The following SV2C variants were observed in gnomAD, a reference collection of about 807,000 sequenced individuals.
The protein encoded by SV2C is synaptic vesicle glycoprotein 2C, also known as solute carrier family 22 member B3.
Under a neutral mutation model 79.7 loss-of-function variants are expected in SV2C, and 49 were observed. That is an observed-to-expected ratio of 0.61 (90% CI 0.49 to 0.78). The LOEUF (loss-of-function observed/expected upper bound fraction) is 0.78, where lower values mean the gene tolerates loss of function less well. SV2C is among the 30% of genes least tolerant of loss of function. The probability of loss-of-function intolerance (pLI) is 0.00; values close to 1 mark genes in which losing one functional copy is unlikely to be tolerated. For synonymous variants in SV2C, 334 were observed against 333.2 expected (o/e 1.00, Z -0.03); for missense variants, 833 against 912.9 (o/e 0.91, Z 1.13).
At chr5:76,033,044 T>C in the SV2C span, among the ~76,000 whole-genome samples, 1 of 152,212 alleles carries the variant, frequency 6.6e-6, no homozygotes. Context: ...ATAAATGTCT[T>C]CTTTTGAGAA....
the SV2C span, among the ~76,000 whole-genome samples, chr5:75,900,558 C>T: frequency 3.9e-5 from 6 of 152,096 alleles, no homozygotes; most frequent in African/African-American, 1.2e-4. Flanking sequence ...TTGCTCTTCT[C>T]GAGGAGTATC....
chr5:75,898,807 G>A, the SV2C span, among the ~76,000 whole-genome samples: 1 of 152,188 alleles, frequency 6.6e-6, no homozygotes, highest in Non-Finnish European at 1.5e-5. Flanking sequence ...GAGGGTGTAT[G>A]TGTTGAGAAA....
chr5:75,961,477 CAATGT>C, the SV2C span, among the ~76,000 whole-genome samples: 2 of 151,746 alleles, frequency 1.3e-5, no homozygotes, highest in Middle Eastern at 3.5e-3. Context: ...GTTTTTACAA[CAATGT>C]AATGTATTTC....
upstream of SV2C, chr5:76,078,714 G>A: frequency 1.9e-6 from 1 of 532,398 alleles, no homozygotes; most frequent in Admixed American, 2.2e-5. Flanking sequence ...CGGTGCCAAA[G>A]CTGATGGCAA....
chr5:76,174,980 G>A (rs1743477147), intron 2 of SV2C, among the ~76,000 whole-genome samples: 1 of 152,206 alleles, frequency 6.6e-6, no homozygotes, highest in East Asian at 1.9e-4. Flanking sequence ...TGGCACCCGT[G>A]AGCCTGGCGG....
intron 9 of SV2C, among the ~76,000 whole-genome samples, chr5:76,297,615 C>A (rs1747819679): frequency 6.6e-6 from 1 of 152,004 alleles, no homozygotes; most frequent in African/African-American, 2.4e-5. Context: ...GATGTTTTTA[C>A]TCTGGGTCCC....
intron 4 of SV2C, among the ~76,000 whole-genome samples, chr5:76,227,319 A>G (rs1439405622): frequency 6.6e-6 from 1 of 152,144 alleles, no homozygotes; most frequent in Non-Finnish European, 1.5e-5. Context: ...ACTCCAAGCC[A>G]GGGTATGGTT....
At chr5:76,093,275 C>T (rs2112101849) in intron 1 of SV2C, among the ~76,000 whole-genome samples, 1 of 152,208 alleles carries the variant, frequency 6.6e-6, no homozygotes, top group Non-Finnish European at 1.5e-5. Context: ...CAAGTTCTCC[C>T]TCTCCTGCTC....
the SV2C span, among the ~76,000 whole-genome samples, chr5:75,940,231 G>T: frequency 1.3e-5 from 2 of 152,060 alleles, no homozygotes; most frequent in African/African-American, 4.8e-5. Flanking sequence ...AGGCACGATG[G>T]TGTTCACCTG....
rs773719534 is a variant in SV2C at position 76,285,309 on chromosome 5, T to G, written c.1047+14T>G. ...TTCTTGTTGGAGGTAACACTTATTA[T>G]TGCAGATACTCAGGTAGCCCACCTC... On this transcript the variant is annotated intron_variant, in intron 5 of 12. Coordinates refer to ENST00000502798, the MANE Select transcript of SV2C (RefSeq NM_014979.4). 1 of 1,613,240 alleles carries G rather than the reference T, an allele frequency of 6.2e-7. No homozygotes were observed. The highest frequency in any genetic ancestry group is 1.3e-5 in the African/African-American group (1 of 74,914).
chr5:76,295,665 T>C lies in SV2C; in HGVS notation c.1338-113T>C. The C allele has an allele frequency of 4.0e-6, 4 of 1,002,790 alleles. No homozygotes were observed. The South Asian group carries it at 5.2e-5, about 13-fold the overall frequency. 62.1% of individuals were successfully genotyped at this position (1,002,790 alleles called of 1,614,324 possible). A position where few individuals can be genotyped will look rare whatever the true frequency, so the allele number is the denominator to read the frequency against. On this transcript the variant is annotated intron_variant, in intron 8 of 12. Transcript: ENST00000502798. Reference sequence around the variant, plus strand: ...GTATGATGAATTACTCATAATGTTATAGGGAGCCAGCCATTCTCCGGGAAC... The same window carrying C: ...GTATGATGAATTACTCATAATGTTACAGGGAGCCAGCCATTCTCCGGGAAC...
chr5:76,101,877 CAG>C (rs1747751991), intron 1 of SV2C, among the ~76,000 whole-genome samples: 1 of 152,122 alleles, frequency 6.6e-6, no homozygotes. Flanking sequence ...GACATTGAGA[CAG>C]AGTAGAAGGG....
chr5:76,195,211 C>A, intron 3 of SV2C, 112 bp downstream of exon 3: 2 of 1,101,864 alleles, frequency 1.8e-6, no homozygotes, highest in Non-Finnish European at 1.3e-6. Context: ...CTTCCATATC[C>A]TCATGTCAGC....
Position 76,333,014 on chromosome 5 carries a change from A to T in SV2C, c.*7467A>T, listed in dbSNP as rs928460763. 2.0e-5 allele frequency: 3 copies of T among 152,236 alleles called. No individual in the cohort carries two copies. Among genetic ancestry groups the T allele is most frequent in the Admixed American group, 6.5e-5 (1 of 15,282 alleles). 9.4% of individuals were successfully genotyped at this position (152,236 alleles called of 1,614,324 possible). A position where few individuals can be genotyped will look rare whatever the true frequency, so the allele number is the denominator to read the frequency against. On this transcript the variant is annotated 3_prime_UTR_variant, in exon 13 of 13. Transcript: ENST00000502798. ...GAATCCACTGTTATCTATGGGTGTC[A>T]TTCCTTCAGAAAGAATGTACAGTAA...
chr5:76,184,211 A>G (rs1431870007), intron 2 of SV2C, among the ~76,000 whole-genome samples: 1 of 152,176 alleles, frequency 6.6e-6, no homozygotes, highest in Non-Finnish European at 1.5e-5. Flanking sequence ...AGCTCTTCAG[A>G]TGATTCCAGT....
chr5:75,922,273 C>A, the SV2C span, among the ~76,000 whole-genome samples: 1 of 152,064 alleles, frequency 6.6e-6, no homozygotes, highest in Admixed American at 6.5e-5. Context: ...TCCTTTCCCC[C>A]CAGTCTATCA....
the SV2C span, among the ~76,000 whole-genome samples, chr5:75,974,523 C>G: frequency 6.6e-6 from 1 of 152,020 alleles, no homozygotes; most frequent in East Asian, 1.9e-4. Context: ...CAGTCACTAC[C>G]CATGAGTCCT....
At chr5:75,958,001 C>T in the SV2C span, among the ~76,000 whole-genome samples, 2 of 151,964 alleles carry the variant, frequency 1.3e-5, no homozygotes, top group Admixed American at 6.6e-5. Flanking sequence ...GTGGGTGCCC[C>T]CAACAGAAGG....
chr5:76,006,897 A>G, the SV2C span, among the ~76,000 whole-genome samples: 1 of 152,094 alleles, frequency 6.6e-6, no homozygotes, highest in Non-Finnish European at 1.5e-5. Flanking sequence ...TCACTCTTAC[A>G]ATGCCTTCTC....
Sources: gnomAD v4.1 joint callset for allele counts (sites outside exome capture counted in the v4.1 genomes callset) on GRCh38, gnomAD v4.1.1 for gene constraint, MANE v1.5 for transcripts, NCBI Gene and HGNC (gene_info 2026-07-23, HGNC 2026-07-21) for gene names.